The following COL5A2 variants were observed in gnomAD, a reference collection of about 807,000 sequenced individuals.
COL5A2 encodes the protein collagen alpha-2(V) chain.
Under a neutral mutation model 208.2 loss-of-function variants are expected in COL5A2, and 23 were observed. That is an observed-to-expected ratio of 0.11 (90% CI 0.08 to 0.16). COL5A2 has a LOEUF of 0.16. Ranked by LOEUF, COL5A2 falls within the 10% of genes least tolerant of loss-of-function variation. The pLI is 1.00. For synonymous variants in COL5A2, 625 were observed against 628.5 expected, an observed-to-expected ratio of 0.99 and a Z score of 0.08; for missense variants, 1,590 against 1,956.4, an observed-to-expected ratio of 0.81 and a Z score of 3.53.
the COL5A2 span, among the ~76,000 whole-genome samples, chr2:189,409,290 C>T: frequency 2.2e-5 from 3 of 139,500 alleles, no homozygotes; most frequent in East Asian, 6.4e-4. Context: ...TAGCTCATTG[C>T]AGCCTCGAAT....
chr2:189,279,433 G>C, the COL5A2 span, among the ~76,000 whole-genome samples: 7,085 of 151,314 alleles, frequency 0.047, 194 homozygotes, highest in African/African-American at 0.07. Flanking sequence ...TTTCAATTGG[G>C]TGGTATATAC....
At chr2:189,092,636 T>C (rs748476487) in intron 6 of COL5A2, among the ~76,000 whole-genome samples, 3 of 152,226 alleles carry the variant, frequency 2.0e-5, no homozygotes, top group Admixed American at 1.3e-4. Context: ...AAGAATTTTA[T>C]GTGGTGTGTT....
At chr2:189,419,548 T>C in the COL5A2 span, among the ~76,000 whole-genome samples, 7,494 of 152,130 alleles carry the variant, frequency 0.049, 228 homozygotes, top group African/African-American at 0.077. Flanking sequence ...CCCAGTACTT[T>C]GGGAGGCCAA....
chr2:189,158,731 C>T (rs1688303063), intron 1 of COL5A2, among the ~76,000 whole-genome samples: 1 of 152,074 alleles, frequency 6.6e-6, no homozygotes, highest in South Asian at 2.1e-4. Context: ...ACTATATTCT[C>T]CTATCTGCTT....
chr2:189,097,124 C>G (rs893892984), intron 6 of COL5A2, among the ~76,000 whole-genome samples, 153 bp downstream of exon 6: 1 of 152,140 alleles, frequency 6.6e-6, no homozygotes, highest in Admixed American at 6.5e-5. Flanking sequence ...TTTGTGTTAT[C>G]TAATAAGATA....
intron 1 of COL5A2, among the ~76,000 whole-genome samples, chr2:189,116,178 G>A (rs1414423342): frequency 1.3e-5 from 2 of 152,150 alleles, no homozygotes; most frequent in African/African-American, 4.8e-5. Flanking sequence ...ACTGTCAGCT[G>A]GTGGCCTCAT....
At chr2:189,371,543 G>C in the COL5A2 span, among the ~76,000 whole-genome samples, 1 of 152,292 alleles carries the variant, frequency 6.6e-6, no homozygotes, top group South Asian at 2.1e-4. Flanking sequence ...GAAATTTATT[G>C]GGAACTGGAG....
At chr2:189,183,789 A>G (rs1279418320), upstream of COL5A2, among the ~76,000 whole-genome samples, 2 of 152,176 alleles carry the variant, frequency 1.3e-5, no homozygotes, top group African/African-American at 4.8e-5. Flanking sequence ...TTAAGATAAT[A>G]ATAATAATGC....
chr2:189,363,099 T>TA, the COL5A2 span, among the ~76,000 whole-genome samples: 3 of 152,124 alleles, frequency 2.0e-5, no homozygotes, highest in Non-Finnish European at 4.4e-5. Context: ...TCAAAATCTA[T>TA]AAAATGACAA....
At chr2:189,322,293 C>T in the COL5A2 span, among the ~76,000 whole-genome samples, 4 of 152,080 alleles carry the variant, frequency 2.6e-5, no homozygotes, top group Non-Finnish European at 5.9e-5. Context: ...CAAACACATT[C>T]AAAAGCTAAC....
At chr2:189,289,356 GA>G in the COL5A2 span, among the ~76,000 whole-genome samples, 5 of 151,284 alleles carry the variant, frequency 3.3e-5, no homozygotes, top group African/African-American at 9.7e-5. Flanking sequence ...AAAGAAAAAA[GA>G]AAAAAAGAAA....
At chr2:189,075,705 G>A (rs1385270117) in intron 16 of COL5A2, among the ~76,000 whole-genome samples, 1 of 152,130 alleles carries the variant, frequency 6.6e-6, no homozygotes, top group African/African-American at 2.4e-5. Flanking sequence ...TTACTTTAAT[G>A]TATCATCTTC....
chr2:189,419,170 T>C, the COL5A2 span, among the ~76,000 whole-genome samples: 25 of 152,270 alleles, frequency 1.6e-4, no homozygotes, highest in African/African-American at 5.3e-4. Context: ...CTCAATAATG[T>C]CCCTTATATT....
intron 7 of COL5A2, among the ~76,000 whole-genome samples, chr2:189,090,607 C>T (rs57734761): frequency 1.3e-5 from 2 of 152,176 alleles, no homozygotes; most frequent in East Asian, 3.8e-4. Context: ...CAAGAACAGG[C>T]TTATTCTCTT....
the COL5A2 span, among the ~76,000 whole-genome samples, chr2:189,257,439 T>A: frequency 6.6e-6 from 1 of 152,194 alleles, no homozygotes; most frequent in African/African-American, 2.4e-5. Context: ...TTAAGATATA[T>A]CTCAATATAT....
intron 12 of COL5A2, among the ~76,000 whole-genome samples, chr2:189,081,558 T>C (rs1359114750): frequency 1.3e-5 from 2 of 152,180 alleles, no homozygotes; most frequent in Admixed American, 1.3e-4. Context: ...CAGAATATGA[T>C]GGGAAGAACA....
chr2:189,157,273 A>AT (rs1053290489), intron 1 of COL5A2, among the ~76,000 whole-genome samples: 10 of 151,778 alleles, frequency 6.6e-5, no homozygotes, highest in African/African-American at 2.4e-4. Flanking sequence ...AATTTGCTTT[A>AT]TTTTTTAAAT....
the COL5A2 span, among the ~76,000 whole-genome samples, chr2:189,383,431 G>A: frequency 4.3e-4 from 66 of 152,074 alleles, no homozygotes; most frequent in African/African-American, 1.6e-3. Flanking sequence ...CCACTTTAAC[G>A]ACCCCATCTC....
the COL5A2 span, among the ~76,000 whole-genome samples, chr2:189,341,058 T>C: frequency 6.6e-6 from 1 of 152,190 alleles, no homozygotes; most frequent in Non-Finnish European, 1.5e-5. Flanking sequence ...AGTTTCTATC[T>C]TCAATATAGA....
Sources: allele counts gnomAD v4.1 joint callset (sites outside exome capture counted in the v4.1 genomes callset), GRCh38; gene constraint gnomAD v4.1.1; transcripts MANE v1.5; gene names NCBI Gene and HGNC (gene_info 2026-07-23, HGNC 2026-07-21).